Variants in CCDC85C observed in about 807,000 individuals in gnomAD.
CCDC85C encodes the protein coiled-coil domain containing 85C.
A neutral mutation model predicts 38.3 loss-of-function variants in CCDC85C; 18 were observed. The observed-to-expected ratio is 0.47, with a 90% CI of 0.33 to 0.70. The LOEUF is 0.70. CCDC85C is among the 30% of genes least tolerant of loss of function. The probability of loss-of-function intolerance (pLI) is 0.03; values close to 1 mark genes in which losing one functional copy is unlikely to be tolerated. For missense variants in CCDC85C, 566 were observed against 621.2 expected (o/e 0.91, Z 0.94); for synonymous variants, 264 against 293.8 (o/e 0.90, Z 1.04).
chr14:99,542,764 C>T (rs1897737606), intron 1 of CCDC85C, among the ~76,000 whole-genome samples: 1 of 152,266 alleles, frequency 6.6e-6, no homozygotes, highest in African/African-American at 2.4e-5. Flanking sequence ...GAGGTGGCCA[C>T]TGCCCGCATG....
chr14:99,541,489 G>C (rs115610572), intron 1 of CCDC85C, among the ~76,000 whole-genome samples: 1 of 152,214 alleles, frequency 6.6e-6, no homozygotes, highest in Admixed American at 6.5e-5. Context: ...TCAACTTCAC[G>C]TGGGTTATGT....
intron 1 of CCDC85C, among the ~76,000 whole-genome samples, chr14:99,592,726 G>C (rs1458664611): frequency 2.0e-5 from 3 of 152,252 alleles, no homozygotes; most frequent in African/African-American, 7.2e-5. Context: ...AAGGCCAAGG[G>C]GCAGAGCAGT....
rs1373761196 is a variant in CCDC85C, at chr14:99,507,128, T to A, written c.*8118A>T. On this transcript the variant is annotated 3_prime_UTR_variant, in exon 6 of 6. Transcript: ENST00000380243. Reference sequence around the variant, plus strand: ...TTGAGACCACTCATCCACCGTTGCCTCCAGCCCACCCACCTCCAGGTAAGC... The same window carrying A: ...TTGAGACCACTCATCCACCGTTGCCACCAGCCCACCCACCTCCAGGTAAGC... The A allele has an allele frequency of 6.2e-7, 1 of 1,609,032 alleles. No homozygotes were observed. The highest frequency in any genetic ancestry group is 8.5e-7 in the Non-Finnish European group (1 of 1,175,542).
At chr14:99,530,233 G>A (rs1032917175) in intron 2 of CCDC85C, among the ~76,000 whole-genome samples, 1 of 152,208 alleles carries the variant, frequency 6.6e-6, no homozygotes, top group Non-Finnish European at 1.5e-5. Context: ...TGGCTGGAAG[G>A]CTGGAAAGAG....
At chr14:99,580,210 C>T in intron 1 of CCDC85C, 3 of 437,264 alleles carry the variant, frequency 6.9e-6, no homozygotes, top group South Asian at 3.3e-5. Flanking sequence ...CCCCGGAGCT[C>T]GGCAGGCCCA....
chr14:99,576,744 G>C lies in CCDC85C; in HGVS notation c.793+26423C>G, dbSNP rs77707863. ...CAAACAATCGCATGGCCTTTTTCCA[G>C]GTTTACAATCTTCCTACCCATGACA... On this transcript the variant is annotated intron_variant, in intron 1 of 5. Transcript: ENST00000380243. This position sits in a 1 kb window ranked among gnomAD's most constrained non-coding sequence, Gnocchi z 4.8. Among the ~76,000 whole-genome samples, 58 of 152,264 alleles carry C rather than the reference G, an allele frequency of 3.8e-4. No individual in the cohort carries two copies. In the East Asian group the frequency reaches 0.01, roughly 27 times the overall value.
At chr14:99,568,443 T>C (rs1259261199) in intron 1 of CCDC85C, among the ~76,000 whole-genome samples, 1 of 151,906 alleles carries the variant, frequency 6.6e-6, no homozygotes, top group Admixed American at 6.5e-5. Context: ...AGAACCTCTG[T>C]CCGAGGCAGC....
intron 2 of CCDC85C, among the ~76,000 whole-genome samples, chr14:99,529,024 T>TA (rs374072326): frequency 0.027 from 4,043 of 151,686 alleles, 179 homozygotes; most frequent in African/African-American, 0.093. Flanking sequence ...AAAAGGAAAA[T>TA]AAAAAAAGAA....
intron 2 of CCDC85C, among the ~76,000 whole-genome samples, chr14:99,523,598 G>A (rs903421432): frequency 6.6e-6 from 1 of 152,230 alleles, no homozygotes; most frequent in African/African-American, 2.4e-5. Flanking sequence ...CCAGACGCCG[G>A]TCAGCCAGGG....
At chr14:99,562,419 C>T (rs1046099983) in intron 1 of CCDC85C, among the ~76,000 whole-genome samples, 3 of 152,326 alleles carry the variant, frequency 2.0e-5, no homozygotes, top group South Asian at 2.1e-4. Context: ...AACAGTAACG[C>T]GCTGCTGGAC....
At position 99,563,292 on chromosome 14, in the gene CCDC85C, T is replaced by A. The variant is rs1898153097; in HGVS notation, c.794-27204A>T. On this transcript the variant is annotated intron_variant, in intron 1 of 5. Coordinates refer to ENST00000380243, the MANE Select transcript of CCDC85C (RefSeq NM_001144995.2). ...GGCCTGGGCCCCTGCCCTGCCGCGT[T>A]CCATCCTTTGTATGGTCAACAATAG... Among the ~76,000 whole-genome samples, 3 of 152,388 alleles carry A rather than the reference T, an allele frequency of 2.0e-5. No homozygotes were observed. The South Asian group carries it at 6.2e-4, about 32-fold the overall frequency.
chr14:99,564,116 T>C (rs752423959), intron 1 of CCDC85C, among the ~76,000 whole-genome samples: 9 of 152,238 alleles, frequency 5.9e-5, no homozygotes, highest in Admixed American at 1.3e-4. Flanking sequence ...TTACGCTCCA[T>C]AGAGGCTGGA....
At chr14:99,595,421 A>G (rs1442833047) in intron 1 of CCDC85C, among the ~76,000 whole-genome samples, 1 of 151,994 alleles carries the variant, frequency 6.6e-6, no homozygotes, top group Non-Finnish European at 1.5e-5. Context: ...TAATTTTTGT[A>G]TTTTTAGTAG....
rs1306664934 is a variant in CCDC85C at position 99,502,047 on chromosome 14, C to T, written c.*13199G>A. ...TGGTTAAAGTAACTTAGTCGGGTACCTTTAGAAGAGTAAAGACTTGAGTTT... is the reference window on the plus strand; with the variant it reads ...TGGTTAAAGTAACTTAGTCGGGTACTTTTAGAAGAGTAAAGACTTGAGTTT... On this transcript the variant is annotated 3_prime_UTR_variant, in exon 6 of 6. Coordinates refer to ENST00000380243, the MANE Select transcript of CCDC85C (RefSeq NM_001144995.2). 3.9e-6 allele frequency: 3 copies of T among 769,044 alleles called. No homozygotes were observed. The highest frequency in any genetic ancestry group is 3.9e-5 in the Admixed American group (1 of 25,928). The allele number at this position is 769,044 out of a possible 1,614,324, so 47.6% of individuals were successfully genotyped here. A position where few individuals can be genotyped will look rare whatever the true frequency, so the allele number is the denominator to read the frequency against.
At chr14:99,542,134 G>A (rs1218772141) in intron 1 of CCDC85C, among the ~76,000 whole-genome samples, 5 of 152,238 alleles carry the variant, frequency 3.3e-5, no homozygotes, top group South Asian at 2.1e-4. Context: ...ACCGTTCAGC[G>A]CAGCAGCTTG....
intron 1 of CCDC85C, among the ~76,000 whole-genome samples, chr14:99,592,117 T>C (rs1257718367): frequency 1.3e-5 from 2 of 152,206 alleles, no homozygotes; most frequent in Non-Finnish European, 2.9e-5. Context: ...CCAGCGGAAT[T>C]CCCTTTATGA....
chr14:99,577,571 A>G (rs187247859), intron 1 of CCDC85C, among the ~76,000 whole-genome samples: 23 of 152,124 alleles, frequency 1.5e-4, no homozygotes, highest in Admixed American at 1.5e-3. Context: ...GAGGAGCTGC[A>G]CTTGGGAAGG....
rs146912494 is a variant in CCDC85C at position 99,595,578 on chromosome 14, C to T, written c.793+7589G>A. On this transcript the variant is annotated intron_variant, in intron 1 of 5. Transcript: ENST00000380243. ...TACTAACTCCATCTTCAAGGCCCAT[C>T]TCAGTTCCCAATTCGGCCACCCCTC... Among the ~76,000 whole-genome samples, 1,121 of 152,306 alleles carry T rather than the reference C, an allele frequency of 7.4e-3. 15 individuals carry two copies. The highest frequency in any genetic ancestry group is 0.026 in the African/African-American group (1,061 of 41,546).
chr14:99,568,856 G>A (rs1898276598), intron 1 of CCDC85C, among the ~76,000 whole-genome samples: 1 of 152,256 alleles, frequency 6.6e-6, no homozygotes, highest in Admixed American at 6.5e-5. Context: ...TGGAGAGTCA[G>A]CATGTCACAG....
Sources: allele counts gnomAD v4.1 joint callset (sites outside exome capture counted in the v4.1 genomes callset), GRCh38; gene constraint gnomAD v4.1.1; non-coding constraint Gnocchi (gnomAD v3.1); transcripts MANE v1.5; gene names NCBI Gene and HGNC (gene_info 2026-07-23, HGNC 2026-07-21).